Variants in RAPGEF6 observed in about 807,000 individuals in gnomAD.
The protein encoded by RAPGEF6 is PDZ domain containing guanine nucleotide exchange factor (GEF) 2.
A neutral mutation model predicts 171.4 loss-of-function variants in RAPGEF6; 56 were observed. The ratio of observed to expected loss-of-function variants is 0.33; its 90% CI spans 0.26 to 0.41. The LOEUF (loss-of-function observed/expected upper bound fraction) is 0.41. Ranked by LOEUF, RAPGEF6 falls within the 10% of genes least tolerant of loss-of-function variation. The pLI, the probability that RAPGEF6 is intolerant of heterozygous loss-of-function variation, is 1.00. For synonymous variants in RAPGEF6, 692 were observed against 650.1 expected, an observed-to-expected ratio of 1.06 and a Z score of -0.98; for missense variants, 1,674 against 1,921.4, an observed-to-expected ratio of 0.87 and a Z score of 2.41.
chr5:131,555,857 T>C (rs1398164507), intron 5 of RAPGEF6, among the ~76,000 whole-genome samples: 1 of 152,204 alleles, frequency 6.6e-6, no homozygotes, highest in Admixed American at 6.5e-5. Context: ...AACTAGTTGT[T>C]AGGCAATTTC....
chr5:131,557,075 A>C (rs1278990209), intron 5 of RAPGEF6, among the ~76,000 whole-genome samples: 1 of 152,140 alleles, frequency 6.6e-6, no homozygotes, highest in East Asian at 1.9e-4. Context: ...CAGCTTAAGT[A>C]CTTCTCATAC....
At chr5:131,523,482 A>C (rs192767224) in intron 6 of RAPGEF6, among the ~76,000 whole-genome samples, 3 of 152,144 alleles carry the variant, frequency 2.0e-5, no homozygotes. Flanking sequence ...GAACTAAAAT[A>C]TACAATTATG....
At chr5:131,616,466 G>A (rs929266099) in intron 1 of RAPGEF6, among the ~76,000 whole-genome samples, 2 of 151,924 alleles carry the variant, frequency 1.3e-5, no homozygotes, top group Admixed American at 6.6e-5. Flanking sequence ...TGCTGCTCTC[G>A]GAAACTCCAT....
At chr5:131,435,572 A>G (rs1751961547) in intron 24 of RAPGEF6, among the ~76,000 whole-genome samples, 1 of 152,224 alleles carries the variant, frequency 6.6e-6, no homozygotes, top group Admixed American at 6.5e-5. Flanking sequence ...CAAGTTTATG[A>G]AGTCTGGGGT....
chr5:131,599,959 C>A (rs2150011170), intron 3 of RAPGEF6, among the ~76,000 whole-genome samples: 1 of 152,292 alleles, frequency 6.6e-6, no homozygotes, highest in Middle Eastern at 3.4e-3. Context: ...TCTCAGACCC[C>A]ATACTGAAAC....
chr5:131,537,781 G>C (rs1561545257), intron 6 of RAPGEF6, among the ~76,000 whole-genome samples: 1 of 152,102 alleles, frequency 6.6e-6, no homozygotes, highest in Non-Finnish European at 1.5e-5. Context: ...AAAATATTTT[G>C]GGAAAATCCC....
At chr5:131,524,344 G>C (rs1465282930) in intron 6 of RAPGEF6, among the ~76,000 whole-genome samples, 16 of 152,160 alleles carry the variant, frequency 1.1e-4, no homozygotes, top group Non-Finnish European at 2.9e-5. Flanking sequence ...AGCTATTAGA[G>C]TGCTCTCAGT....
intron 24 of RAPGEF6, among the ~76,000 whole-genome samples, chr5:131,438,815 T>G (rs1752191548): frequency 6.6e-6 from 1 of 152,244 alleles, no homozygotes; most frequent in Non-Finnish European, 1.5e-5. Flanking sequence ...GAGTACAGGT[T>G]ATTTTAAATC....
chr5:131,471,040 G>C (rs533382713), intron 17 of RAPGEF6, among the ~76,000 whole-genome samples: 174 of 152,294 alleles, frequency 1.1e-3, no homozygotes, highest in African/African-American at 4.1e-3. Context: ...TTACCTCTGT[G>C]ATATCTTAGT....
rs151141863 is a variant in RAPGEF6, at chr5:131,603,293, T to A, written c.175A>T (p.Ser59Cys). The A allele has an allele frequency of 6.3e-7, 1 of 1,583,180 alleles. No homozygotes were observed. The highest frequency in any genetic ancestry group is 1.8e-5 in the Admixed American group (1 of 55,104). The change falls in exon 3 of 28, where the codon AGT becomes TGT. Residue 59 changes from serine to cysteine, a missense_variant. Physicochemically the swap from Ser to Cys is moderately radical, Grantham distance 112. Transcript: ENST00000509018. ...TACCAAAAGAGAACCTGATTGCCAC[T>A]GTATCTCTCATAGCGTGCTCTTGCA... ...MSARARYERYSGNQVLFCSET... is the reference protein window; with the variant it reads ...MSARARYERYCGNQVLFCSET...
chr5:131,601,065 C>T (rs186960659), intron 3 of RAPGEF6, among the ~76,000 whole-genome samples: 9 of 131,828 alleles, frequency 6.8e-5, no homozygotes, highest in East Asian at 6.2e-4. Flanking sequence ...GCCTGGGCAA[C>T]GCAAGAAAAC....
At chr5:131,429,692 C>A (rs1374923997) in intron 26 of RAPGEF6, among the ~76,000 whole-genome samples, 1 of 152,154 alleles carries the variant, frequency 6.6e-6, no homozygotes, top group Non-Finnish European at 1.5e-5. Flanking sequence ...CACTCCTGGG[C>A]AGATTAGTTC....
At chr5:131,524,579 G>A (rs114560159) in intron 6 of RAPGEF6, among the ~76,000 whole-genome samples, 7 of 144,388 alleles carry the variant, frequency 4.8e-5, no homozygotes, top group South Asian at 2.3e-4. Flanking sequence ...GAGGAGGAGA[G>A]AGAGGGAGAG....
intron 1 of RAPGEF6, among the ~76,000 whole-genome samples, chr5:131,619,111 T>C (rs908382551): frequency 5.3e-5 from 8 of 150,888 alleles, no homozygotes; most frequent in African/African-American, 1.9e-4. Flanking sequence ...TAACGTAACA[T>C]ACCTTGACTA....
chr5:131,627,480 G>A (rs1442985933), intron 1 of RAPGEF6, among the ~76,000 whole-genome samples: 1 of 152,120 alleles, frequency 6.6e-6, no homozygotes, highest in Non-Finnish European at 1.5e-5. Flanking sequence ...CATTTAATAT[G>A]TGCAAATCAT....
intron 6 of RAPGEF6, among the ~76,000 whole-genome samples, chr5:131,540,087 G>A (rs938031031): frequency 1.1e-4 from 17 of 152,188 alleles, no homozygotes; most frequent in Admixed American, 1.3e-4. Context: ...CTGTGCAGAC[G>A]CTATGCTGAA....
At chr5:131,497,017 C>T (rs577454368) in intron 12 of RAPGEF6, among the ~76,000 whole-genome samples, 7 of 152,242 alleles carry the variant, frequency 4.6e-5, no homozygotes, top group South Asian at 4.1e-4. Context: ...GTCTCCATAC[C>T]GTTGGCAATG....
intron 5 of RAPGEF6, among the ~76,000 whole-genome samples, chr5:131,551,590 A>G (rs565657398): frequency 4.3e-4 from 65 of 152,228 alleles, no homozygotes; most frequent in African/African-American, 1.4e-3. Context: ...AAAAAGTCCA[A>G]CTTCATATTG....
intron 16 of RAPGEF6, among the ~76,000 whole-genome samples, chr5:131,476,357 G>A (rs1364662667): frequency 2.0e-5 from 3 of 152,138 alleles, no homozygotes; most frequent in South Asian, 2.1e-4. Context: ...AGGCTGAGGC[G>A]CGTGGATCAC....
Sources: allele counts gnomAD v4.1 joint callset (sites outside exome capture counted in the v4.1 genomes callset), GRCh38; gene constraint gnomAD v4.1.1; transcripts MANE v1.5; gene names NCBI Gene and HGNC (gene_info 2026-07-23, HGNC 2026-07-21).